The following CENPC variants were observed in gnomAD, a reference collection of about 807,000 sequenced individuals.
CENPC encodes the protein centromere protein C.
A neutral mutation model predicts 112.1 loss-of-function variants in CENPC; 63 were observed. That is an observed-to-expected ratio of 0.56 (90% CI 0.46 to 0.69). CENPC has a LOEUF of 0.69. CENPC is among the 30% of genes least tolerant of loss of function. CENPC has a pLI of 0.00. For missense variants in CENPC, 1,000 were observed against 1,103.8 expected (o/e 0.91, Z 1.33); for synonymous variants, 333 against 367.6 (o/e 0.91, Z 1.08).
intron 16 of CENPC, among the ~76,000 whole-genome samples, chr4:67,491,575 T>C (rs920503226): frequency 2.0e-5 from 3 of 146,806 alleles, no homozygotes; most frequent in Non-Finnish European, 4.5e-5. Context: ...TATCCCACTA[T>C]AGCCCATCCC....
intron 2 of CENPC, among the ~76,000 whole-genome samples, chr4:67,543,778 C>G (rs1726952523): frequency 6.6e-6 from 1 of 152,122 alleles, no homozygotes. Context: ...CAAAACAACC[C>G]AAACAAGCAC....
At position 67,539,828 on chromosome 4, in the gene CENPC, T is replaced by G. The variant is rs1263696913; in HGVS notation, c.231+12A>C. ...AATATTAAACCTATACCAGCTCTTC[T>G]TTATCACTTACCTCTTTGCTTGGTG... On this transcript the variant is annotated intron_variant, in intron 4 of 18. Transcript: ENST00000273853. 7.0e-7 allele frequency: 1 copy of G among 1,427,968 alleles called. No homozygotes were observed. Among genetic ancestry groups the G allele is most frequent in the Non-Finnish European group, 9.5e-7 (1 of 1,051,968 alleles). The allele number at this position is 1,427,968 out of a possible 1,614,324, so 88.5% of individuals were successfully genotyped here.
intron 17 of CENPC, among the ~76,000 whole-genome samples, chr4:67,484,303 A>G (rs564059907): frequency 4.6e-5 from 7 of 152,218 alleles, no homozygotes; most frequent in Admixed American, 2.0e-4. Flanking sequence ...TATGACGTTC[A>G]TAAGACAAAA....
chr4:67,517,443 T>C (rs1052804309), intron 7 of CENPC, among the ~76,000 whole-genome samples: 13 of 151,306 alleles, frequency 8.6e-5, no homozygotes, highest in Non-Finnish European at 4.4e-5. Flanking sequence ...ATTACAGACA[T>C]GAGCCACCGC....
At chr4:67,476,433 T>A (rs1029228786) in intron 17 of CENPC, among the ~76,000 whole-genome samples, 5 of 152,142 alleles carry the variant, frequency 3.3e-5, no homozygotes, top group African/African-American at 1.2e-4. Flanking sequence ...TAACCTTACC[T>A]AGAGCTGAAA....
intron 4 of CENPC, among the ~76,000 whole-genome samples, chr4:67,531,358 G>A (rs1378025038): frequency 6.6e-6 from 1 of 152,172 alleles, no homozygotes; most frequent in Non-Finnish European, 1.5e-5. Flanking sequence ...AAACACTGTA[G>A]TATTGAGATT....
In CENPC at chr4:67,518,259, A is replaced by G; in HGVS notation, c.727T>C (p.Ser243Pro). Residue 243 changes from serine to proline, a missense_variant, in exon 7 of 19, where the codon TCT (serine) becomes CCT (proline). Physicochemically the swap from Ser to Pro is moderately conservative, Grantham distance 74. Transcript: ENST00000273853. Reference protein sequence around the residue: ...EGQERKPSGSSQNRIRDSEYE... With the variant: ...EGQERKPSGSPQNRIRDSEYE... ...TCTGAATCTCGTATTCTATTCTGAG[A>G]TGATCCTGATGGTTTTCTTTCTTGT... 1 of 1,561,070 alleles carries G rather than the reference A, an allele frequency of 6.4e-7. No individual in the cohort carries two copies. Among genetic ancestry groups the G allele is most frequent in the Non-Finnish European group, 8.7e-7 (1 of 1,152,972 alleles).
intron 12 of CENPC, among the ~76,000 whole-genome samples, chr4:67,502,846 G>A (rs115591199): frequency 2.4e-4 from 37 of 152,078 alleles, no homozygotes; most frequent in African/African-American, 8.9e-4. Context: ...ACCACGTATC[G>A]TCCATCAGAA....
chr4:67,491,480 T>TAGAG lies in CENPC; in HGVS notation c.2515+696_2515+699dup, dbSNP rs71219046. On this transcript the variant is annotated intron_variant, in intron 16 of 18. Transcript: ENST00000273853. ...ATATATATATATATATATATATATA[T>TAGAG]AGAGAGAGAGAGAGAGAGAGAGAGA... is the stretch of plus-strand genomic sequence containing the variant. 2.5e-3 allele frequency among the ~76,000 whole-genome samples: 46 copies of TAGAG among 18,098 alleles called. 2 individuals carry two copies. Among genetic ancestry groups the TAGAG allele is most frequent in the South Asian group, 5.4e-3 (1 of 186 alleles). The allele number at this position is 18,098 out of a possible 152,430, so 11.9% of individuals were successfully genotyped here.
chr4:67,507,030 T>C, intron 10 of CENPC, 96 bp from the exon 11 acceptor site: 4 of 811,478 alleles, frequency 4.9e-6, no homozygotes, highest in Non-Finnish European at 5.5e-6. Flanking sequence ...CAATGTAATA[T>C]TGGCTATAAC....
At chr4:67,535,481 A>T (rs355488) in intron 4 of CENPC, among the ~76,000 whole-genome samples, 95,629 of 151,794 alleles carry the variant, frequency 0.63, 30,377 homozygotes, top group East Asian at 0.81. Context: ...AAAATGATAA[A>T]TTAATGTGTC....
rs1294804099 is a variant in CENPC, at chr4:67,475,120, TC to T, written c.2671-143del. The T allele has an allele frequency of 3.2e-5, 19 of 602,090 alleles. No homozygotes were observed. In the African/African-American group the frequency reaches 3.4e-4, roughly 11 times the overall value. 37.3% of individuals were successfully genotyped at this position (602,090 alleles called of 1,614,324 possible). A position where few individuals can be genotyped will look rare whatever the true frequency, so the allele number is the denominator to read the frequency against. On this transcript the variant is annotated intron_variant, in intron 17 of 18. Coordinates refer to ENST00000273853, the MANE Select transcript of CENPC (RefSeq NM_001812.4). ...CCAGAACTTGTAAATACATTAAATT[TC>T]ATGGCAAAAGGGACCTTGAGATGGG...
In CENPC at chr4:67,530,892, G is replaced by T; in HGVS notation, c.254C>A (p.Ser85Ter). ...TTTCTTCTTTGAAGAAACTGGAACT[G>T]ACTTTGGATGTGATTTCTGGCACTG... ...SKECQKSHPK[S>*]VPVSSKKKEA... Residue 85 changes from serine (S) to a stop codon, truncating the protein, a stop_gained, in exon 5 of 19, where the codon TCA becomes TAA. Transcript: ENST00000273853. LOFTEE classifies it high-confidence loss of function. The T allele has an allele frequency of 1.3e-6, 2 of 1,598,012 alleles. No homozygotes were observed. Among genetic ancestry groups the T allele is most frequent in the South Asian group, 2.3e-5 (2 of 88,840 alleles).
intron 4 of CENPC, among the ~76,000 whole-genome samples, chr4:67,537,258 A>T (rs1172204741): frequency 6.6e-6 from 1 of 152,216 alleles, no homozygotes; most frequent in Non-Finnish European, 1.5e-5. Context: ...TATTAAGTAA[A>T]ATCTAAATCT....
At chr4:67,485,280 A>C (rs979147336) in intron 17 of CENPC, among the ~76,000 whole-genome samples, 1 of 152,196 alleles carries the variant, frequency 6.6e-6, no homozygotes, top group Non-Finnish European at 1.5e-5. Context: ...AAGAGGATAA[A>C]TCTCTCAATC....
intron 4 of CENPC, among the ~76,000 whole-genome samples, chr4:67,532,948 A>G (rs1726602018): frequency 6.6e-6 from 1 of 152,244 alleles, no homozygotes; most frequent in African/African-American, 2.4e-5. Flanking sequence ...GAGTTCAACT[A>G]TATGTCAAAT....
chr4:67,540,890 C>T (rs1578010200), intron 3 of CENPC, 90 bp downstream of exon 3: 2 of 901,290 alleles, frequency 2.2e-6, no homozygotes, highest in East Asian at 2.7e-5. Flanking sequence ...AACCCTAGAA[C>T]ATATTTGCTG....
rs1396274318 is a variant in CENPC at position 67,468,857 on chromosome 4, A to G, written c.*3748T>C. 2 of 152,226 alleles carry G rather than the reference A, an allele frequency of 1.3e-5. No individual in the cohort carries two copies. The highest frequency in any genetic ancestry group is 4.1e-4 in the South Asian group (2 of 4,832). 9.4% of individuals were successfully genotyped at this position (152,226 alleles called of 1,614,324 possible). On this transcript the variant is annotated 3_prime_UTR_variant, in exon 19 of 19. Coordinates refer to ENST00000273853, the MANE Select transcript of CENPC (RefSeq NM_001812.4). ...AAAAAGAAATGAGCTATTGATAGGT[A>G]TAACTGCTTGGATGATCTTAAGGGC...
rs1425253978 is a variant in CENPC, at chr4:67,470,864, G to C, written c.*1741C>G. ...GGAGTATCTGTAGTTGCTAACCAAA[G>C]GTTACAGTCCTAGTTCTTGAAGAGC... is the stretch of plus-strand genomic sequence containing the variant. On this transcript the variant is annotated 3_prime_UTR_variant, in exon 19 of 19. Coordinates refer to ENST00000273853, the MANE Select transcript of CENPC (RefSeq NM_001812.4). 6.6e-6 allele frequency: 1 copy of C among 152,176 alleles called. No homozygotes were observed. The highest frequency in any genetic ancestry group is 1.5e-5 in the Non-Finnish European group (1 of 68,040). The allele number at this position is 152,176 out of a possible 1,614,324, so 9.4% of individuals were successfully genotyped here. A position where few individuals can be genotyped will look rare whatever the true frequency, so the allele number is the denominator to read the frequency against.
Sources: allele counts gnomAD v4.1 joint callset (sites outside exome capture counted in the v4.1 genomes callset), GRCh38; gene constraint gnomAD v4.1.1; transcripts MANE v1.5; gene names NCBI Gene and HGNC (gene_info 2026-07-23, HGNC 2026-07-21).